The following NDST3 variants were observed in gnomAD, a reference collection of about 807,000 sequenced individuals.
The protein encoded by NDST3 is bifunctional heparan sulfate N-deacetylase/N-sulfotransferase 3.
In NDST3, 58 loss-of-function variants were observed where a neutral mutation model predicts 96.1. The observed-to-expected ratio is 0.60, with a 90% confidence interval of 0.49 to 0.75. The LOEUF (loss-of-function observed/expected upper bound fraction) is 0.75. Ranked by LOEUF, NDST3 falls within the 30% of genes least tolerant of loss-of-function variation. The pLI is 0.00. For synonymous variants in NDST3, 333 were observed against 359.7 expected, an observed-to-expected ratio of 0.93 and a Z score of 0.84; for missense variants, 788 against 1,034.2, an observed-to-expected ratio of 0.76 and a Z score of 3.27.
chr4:118,235,048 G>GGAAGGAAGGAAGGAAGGAAA (rs1553948152), intron 9 of NDST3, among the ~76,000 whole-genome samples: 1,505 of 127,704 alleles, frequency 0.012, 22 homozygotes, highest in African/African-American at 0.037. Flanking sequence ...GAAAAAAAAA[G>GGAAGGAAGGAAGGAAGGAAA]GAAGGAAGGA....
At chr4:118,120,472 T>A (rs1247026646) in intron 4 of NDST3, among the ~76,000 whole-genome samples, 1 of 152,166 alleles carries the variant, frequency 6.6e-6, no homozygotes, top group Non-Finnish European at 1.5e-5. Flanking sequence ...TCTTTAGTCA[T>A]CTAATACTTG....
At chr4:118,129,402 T>C (rs1269966438) in intron 4 of NDST3, among the ~76,000 whole-genome samples, 4 of 152,052 alleles carry the variant, frequency 2.6e-5, no homozygotes, top group African/African-American at 9.6e-5. Flanking sequence ...ATCATTTCTT[T>C]TCCAGAAAGT....
intron 6 of NDST3, among the ~76,000 whole-genome samples, chr4:118,157,428 GTT>G (rs35472465): frequency 7.3e-4 from 94 of 128,026 alleles, no homozygotes; most frequent in African/African-American, 1.5e-3. Flanking sequence ...TTTTGTTTTT[GTT>G]TTTTTTTTTT....
chr4:118,152,482 G>A (rs1488752669), intron 6 of NDST3, among the ~76,000 whole-genome samples: 1 of 152,108 alleles, frequency 6.6e-6, no homozygotes, highest in African/African-American at 2.4e-5. Flanking sequence ...GTTTATTATT[G>A]AAATTTTTCA....
intron 6 of NDST3, among the ~76,000 whole-genome samples, chr4:118,148,230 A>G (rs1025601853): frequency 6.6e-6 from 1 of 152,190 alleles, no homozygotes; most frequent in Non-Finnish European, 1.5e-5. Flanking sequence ...TCCAGGAGGC[A>G]GAGGTTGCAG....
intron 6 of NDST3, among the ~76,000 whole-genome samples, chr4:118,180,361 G>T (rs1736533279): frequency 1.3e-5 from 2 of 152,026 alleles, no homozygotes; most frequent in African/African-American, 4.8e-5. Context: ...GTGGTATTTG[G>T]TTTTTTGTTC....
intron 6 of NDST3, among the ~76,000 whole-genome samples, chr4:118,157,294 T>A (rs1056806399): frequency 1.3e-5 from 2 of 151,666 alleles, no homozygotes; most frequent in African/African-American, 4.8e-5. Context: ...TTAATAGAAA[T>A]TTTAAAAATT....
chr4:118,238,163 GAAAGAAAGAAAGAAAGAAAGAAA>G (rs1740779142), intron 10 of NDST3, among the ~76,000 whole-genome samples: 15 of 37,938 alleles, frequency 4.0e-4, no homozygotes, highest in East Asian at 3.2e-3. Context: ...AGAAAAGAAA[GAAAGAAAGAAAGAAAGAAAGAAA>G]GAAAGAAAGA....
rs976861823 is a variant in NDST3 at position 118,249,919 on chromosome 4, C to T, written c.2400-3580C>T. 3.3e-5 allele frequency among the ~76,000 whole-genome samples: 5 copies of T among 152,280 alleles called. No individual in the cohort carries two copies. The East Asian group carries it at 9.7e-4, about 29-fold the overall frequency. ...AAAGGTATAATCCAAAAAATTTAAT[C>T]ATGCTCCGCTGTAGTCAACACTTTC... On this transcript the variant is annotated intron_variant, in intron 12 of 13. Transcript: ENST00000296499.
chr4:118,216,647 AAAGGAGT>A (rs1186876528), intron 6 of NDST3, among the ~76,000 whole-genome samples: 2 of 152,118 alleles, frequency 1.3e-5, no homozygotes, highest in African/African-American at 4.8e-5. Context: ...GTTTATTTAA[AAAGGAGT>A]AAGGTTTCAC....
rs376151457 is a variant in NDST3, at chr4:118,255,636, A to C, written c.2546A>C (p.Glu849Ala). The C allele has an allele frequency of 1.5e-5, 24 of 1,613,920 alleles. No individual in the cohort carries two copies. Among genetic ancestry groups the C allele is most frequent in the Non-Finnish European group, 2.0e-5 (24 of 1,179,836 alleles). Residue 849 changes from glutamate to alanine, a missense_variant, in exon 14 of 14, where the codon GAA becomes GCA. Transcript: ENST00000296499. Reference protein sequence around the residue: ...LSSYYRDHNVELSKLLHKLGQ... With the variant: ...LSSYYRDHNVALSKLLHKLGQ... ...AGCTACTATCGAGATCACAACGTGG[A>C]ACTCTCAAAGCTGCTGCACAAACTG...
At chr4:118,196,078 CT>C in intron 6 of NDST3, among the ~76,000 whole-genome samples, 2 of 152,136 alleles carry the variant, frequency 1.3e-5, no homozygotes, top group East Asian at 3.8e-4. Context: ...GTATCAAATG[CT>C]TTTTTAACAT....
At chr4:118,139,812 T>C (rs1000626044) in intron 5 of NDST3, among the ~76,000 whole-genome samples, 5 of 152,204 alleles carry the variant, frequency 3.3e-5, no homozygotes, top group African/African-American at 1.2e-4. Flanking sequence ...CTATATTTCA[T>C]CAATAATTCC....
chr4:118,078,087 A>G (rs1727709848), intron 2 of NDST3, among the ~76,000 whole-genome samples: 1 of 152,126 alleles, frequency 6.6e-6, no homozygotes, highest in African/African-American at 2.4e-5. Context: ...TTTCATTCCC[A>G]GTCTTGCACA....
At chr4:118,057,535 G>A (rs1265294205) in intron 2 of NDST3, among the ~76,000 whole-genome samples, 2 of 152,080 alleles carry the variant, frequency 1.3e-5, no homozygotes, top group African/African-American at 2.4e-5. Flanking sequence ...ACAAGTAGAG[G>A]GAAATATCCC....
At chr4:118,227,812 C>T (rs1048971149) in intron 8 of NDST3, among the ~76,000 whole-genome samples, 1 of 152,076 alleles carries the variant, frequency 6.6e-6, no homozygotes, top group Non-Finnish European at 1.5e-5. Flanking sequence ...CAGGGTTTCA[C>T]CGTGTTAGCC....
chr4:118,208,074 C>T (rs970008905), intron 6 of NDST3, among the ~76,000 whole-genome samples: 2 of 144,372 alleles, frequency 1.4e-5, no homozygotes, highest in African/African-American at 5.1e-5. Flanking sequence ...TAACCCTTTA[C>T]TACATAACAG....
intron 10 of NDST3, among the ~76,000 whole-genome samples, chr4:118,238,968 C>T (rs1451959354): frequency 1.3e-5 from 2 of 152,172 alleles, no homozygotes; most frequent in Non-Finnish European, 2.9e-5. Context: ...AAGGAGTTAT[C>T]ATCAGGTCAG....
intron 12 of NDST3, among the ~76,000 whole-genome samples, chr4:118,246,856 G>A (rs1036536056): frequency 3.9e-5 from 6 of 152,120 alleles, no homozygotes; most frequent in African/African-American, 1.2e-4. Flanking sequence ...CCCTTGACAC[G>A]TGGGGATTAT....
Sources: gnomAD v4.1 joint callset for allele counts (sites outside exome capture counted in the v4.1 genomes callset) on GRCh38, gnomAD v4.1.1 for gene constraint, MANE v1.5 for transcripts, NCBI Gene and HGNC (gene_info 2026-07-23, HGNC 2026-07-21) for gene names.